The following THEMIS variants were observed in gnomAD, a reference collection of about 807,000 sequenced individuals.
The protein encoded by THEMIS is protein THEMIS.
Under a neutral mutation model 52.6 loss-of-function variants are expected in THEMIS, and 37 were observed. That is an observed-to-expected ratio of 0.70 (90% CI 0.54 to 0.93). The LOEUF is 0.93. Among genes scored for constraint, THEMIS ranks in the 40% least tolerant of loss-of-function variants. The pLI is 0.00. For synonymous variants in THEMIS, 292 were observed against 272.7 expected, an observed-to-expected ratio of 1.07 and a Z score of -0.70; for missense variants, 808 against 763.1, an observed-to-expected ratio of 1.06 and a Z score of -0.69.
chr6:127,761,812 C>G (rs9385439), intron 4 of THEMIS, among the ~76,000 whole-genome samples: 13,679 of 152,012 alleles, frequency 0.09, 1,094 homozygotes, highest in East Asian at 0.36. Flanking sequence ...CCCAGAGTGC[C>G]AATAGCACAG....
intron 2 of THEMIS, among the ~76,000 whole-genome samples, chr6:127,842,344 T>C (rs1286362002): frequency 3.3e-5 from 5 of 152,048 alleles, no homozygotes; most frequent in Non-Finnish European, 5.9e-5. Flanking sequence ...ATTGTTAATG[T>C]GTTAGAATTA....
chr6:127,732,039 A>ATTTTGGTGAATCT lies in THEMIS; in HGVS notation c.1759-12229_1759-12217dup, dbSNP rs1306063807. On this transcript the variant is annotated intron_variant, in intron 4 of 5. Transcript: ENST00000368248. ...TTTTAACTCGTAAGAGTTAACATTA[A>ATTTTGGTGAATCT]TTTTGGTGAATCTTAAATGTTACGC... Among the ~76,000 whole-genome samples the ATTTTGGTGAATCT allele has an allele frequency of 8.0e-5, 12 of 150,004 alleles. No individual in the cohort carries two copies. In the Admixed American group the frequency reaches 8.0e-4, roughly 10 times the overall value.
At chr6:127,852,520 A>G (rs544122255) in intron 2 of THEMIS, among the ~76,000 whole-genome samples, 2 of 151,686 alleles carry the variant, frequency 1.3e-5, no homozygotes, top group East Asian at 3.9e-4. Flanking sequence ...AGTCATACAA[A>G]ATATGTCATC....
chr6:127,812,873 A>G lies in THEMIS; in HGVS notation c.1758+10T>C. 1 of 1,572,780 alleles carries G rather than the reference A, an allele frequency of 6.4e-7. No individual in the cohort carries two copies. Among genetic ancestry groups the G allele is most frequent in the South Asian group, 1.2e-5 (1 of 83,562 alleles). On this transcript the variant is annotated intron_variant, in intron 4 of 5. Transcript: ENST00000368248. The stretch of plus-strand genomic sequence containing the variant: ...ACTCCAGAGAAAACATTGCAAAACC[A>G]TAGCCTTACCTTGGGAGACTTGGGC...
At chr6:127,770,810 A>G (rs566758773) in intron 4 of THEMIS, among the ~76,000 whole-genome samples, 2 of 152,288 alleles carry the variant, frequency 1.3e-5, no homozygotes, top group East Asian at 3.9e-4. Context: ...GGTATAAGGA[A>G]GGGATCCAGT....
intron 4 of THEMIS, among the ~76,000 whole-genome samples, chr6:127,801,099 G>A (rs1454120606): frequency 3.3e-5 from 5 of 152,166 alleles, no homozygotes; most frequent in African/African-American, 1.2e-4. Flanking sequence ...ACTGTTTAGA[G>A]AGTTATGCAA....
At position 127,719,728 on chromosome 6, in the gene THEMIS, T is replaced by C; in HGVS notation, c.1854A>G (p.Glu618=). ...LIGSQNDLVD[E]EKERSNRGAT... ...CCCCACGGTTGCTCCTTTCTTTCTC[T>C]TCATCCACCAAATCATTCTGACTAC... is the stretch of plus-strand genomic sequence containing the variant. The change falls in exon 5 of 6, where the codon GAA becomes GAG. Residue 618 remains glutamate (E), a synonymous_variant. Coordinates refer to ENST00000368248, the MANE Select transcript of THEMIS (RefSeq NM_001010923.3). 1 of 1,612,262 alleles carries C rather than the reference T, an allele frequency of 6.2e-7. No individual in the cohort carries two copies. The highest frequency in any genetic ancestry group is 1.3e-5 in the African/African-American group (1 of 74,872).
At chr6:127,863,402 T>C (rs1779871229) in intron 1 of THEMIS, among the ~76,000 whole-genome samples, 1 of 152,204 alleles carries the variant, frequency 6.6e-6, no homozygotes, top group African/African-American at 2.4e-5. Context: ...GCTTTACTTT[T>C]GAGCAGCTCT....
At chr6:127,895,837 C>A (rs1459197289) in intron 1 of THEMIS, among the ~76,000 whole-genome samples, 6 of 151,058 alleles carry the variant, frequency 4.0e-5, no homozygotes, top group Admixed American at 1.3e-4. Context: ...AGGAAAATAA[C>A]AAAAGACTCC....
chr6:127,716,465 ATTGT>A (rs1161311068), intron 5 of THEMIS, among the ~76,000 whole-genome samples: 3 of 151,950 alleles, frequency 2.0e-5, no homozygotes, highest in African/African-American at 7.2e-5. Context: ...GCATCCAATG[ATTGT>A]TTGATGCAGG....
downstream of THEMIS, among the ~76,000 whole-genome samples, chr6:127,707,534 T>G (rs138766316): frequency 6.6e-6 from 1 of 152,138 alleles, no homozygotes; most frequent in Non-Finnish European, 1.5e-5. Context: ...CAGAGATGAC[T>G]GAAGTTTGGA....
intron 1 of THEMIS, among the ~76,000 whole-genome samples, chr6:127,895,550 T>C (rs1259050122): frequency 2.0e-5 from 3 of 151,630 alleles, no homozygotes; most frequent in East Asian, 3.9e-4. Context: ...ACACATGATA[T>C]AAGTATGTGT....
At chr6:127,740,409 T>TA (rs151161612) in intron 4 of THEMIS, among the ~76,000 whole-genome samples, 3,944 of 149,988 alleles carry the variant, frequency 0.026, 189 homozygotes, top group African/African-American at 0.093. Flanking sequence ...TAAATGTTGC[T>TA]AAAAAAAACT....
intron 3 of THEMIS, among the ~76,000 whole-genome samples, chr6:127,822,604 T>G (rs1778377651): frequency 6.6e-6 from 1 of 152,188 alleles, no homozygotes; most frequent in Non-Finnish European, 1.5e-5. Context: ...AACACTTTTT[T>G]AGACACTTTT....
chr6:127,845,467 C>T (rs1284073665), intron 2 of THEMIS, among the ~76,000 whole-genome samples: 1 of 151,860 alleles, frequency 6.6e-6, no homozygotes, highest in Non-Finnish European at 1.5e-5. Flanking sequence ...TTCCCATTCT[C>T]TCCTCCCCGA....
intron 4 of THEMIS, among the ~76,000 whole-genome samples, chr6:127,785,961 G>T (rs539595139): frequency 1.3e-5 from 2 of 152,092 alleles, no homozygotes; most frequent in South Asian, 4.1e-4. Context: ...GGCACTGAAA[G>T]TACCTCATCT....
chr6:127,813,825 A>T lies in THEMIS; in HGVS notation c.816T>A (p.Asp272Glu). 1 of 1,613,946 alleles carries T rather than the reference A, an allele frequency of 6.2e-7. No homozygotes were observed. Among genetic ancestry groups the T allele is most frequent in the Non-Finnish European group, 8.5e-7 (1 of 1,179,928 alleles). Residue 272 changes from aspartate (D) to glutamate (E), a missense_variant, in exon 4 of 6, where the codon GAT becomes GAA. Coordinates refer to ENST00000368248, the MANE Select transcript of THEMIS (RefSeq NM_001010923.3). ...NWFLQLLSTE[D>E]LFEMTSKEFP... is the part of the protein sequence containing the mutation. ...ACTCTTTACTAGTCATTTCAAAAAG[A>T]TCTTCTGTTGATAACAGCTGAAGAA...
intron 1 of THEMIS, among the ~76,000 whole-genome samples, chr6:127,867,035 G>C (rs1214595009): frequency 6.6e-6 from 1 of 151,374 alleles, no homozygotes; most frequent in South Asian, 2.1e-4. Context: ...CTGTGCTATA[G>C]AAAAGGAGAT....
intron 1 of THEMIS, among the ~76,000 whole-genome samples, chr6:127,895,436 G>T (rs1158586313): frequency 6.6e-6 from 1 of 151,334 alleles, no homozygotes; most frequent in Non-Finnish European, 1.5e-5. Flanking sequence ...ATTAACAAGG[G>T]AATTTATAAA....
Sources: allele counts gnomAD v4.1 joint callset (sites outside exome capture counted in the v4.1 genomes callset), GRCh38; gene constraint gnomAD v4.1.1; transcripts MANE v1.5; gene names NCBI Gene and HGNC (gene_info 2026-07-23, HGNC 2026-07-21).